The following ST6GAL2 variants were observed in gnomAD, a reference collection of about 807,000 sequenced individuals.
ST6GAL2 encodes ST6 beta-galactoside alpha-2,6-sialyltransferase 2, also known as beta-galactoside alpha-2,6-sialyltransferase 2.
Under a neutral mutation model 37.5 loss-of-function variants are expected in ST6GAL2, and 24 were observed. The ratio of observed to expected loss-of-function variants is 0.64; its 90% CI spans 0.46 to 0.90. ST6GAL2 has a LOEUF of 0.90. ST6GAL2 is among the 40% of genes least tolerant of loss of function. ST6GAL2 has a pLI of 0.00. For missense variants in ST6GAL2, 715 were observed against 712.7 expected, an observed-to-expected ratio of 1.00 and a Z score of -0.04; for synonymous variants, 306 against 295.1, an observed-to-expected ratio of 1.04 and a Z score of -0.38.
chr2:106,884,932 T>TATAC (rs796461618), intron 1 of ST6GAL2, among the ~76,000 whole-genome samples: 4 of 115,466 alleles, frequency 3.5e-5, no homozygotes, highest in Non-Finnish European at 6.7e-5. Context: ...TATATATATA[T>TATAC]ATACATACAC....
At chr2:106,820,269 T>C (rs1001971480) in intron 5 of ST6GAL2, among the ~76,000 whole-genome samples, 2 of 151,736 alleles carry the variant, frequency 1.3e-5, no homozygotes, top group African/African-American at 2.4e-5. Context: ...AATAAGGAGA[T>C]AGAAAAAGAC....
chr2:106,827,927 A>G (rs6543446), intron 5 of ST6GAL2, among the ~76,000 whole-genome samples: 144,514 of 152,292 alleles, frequency 0.95, 68,623 homozygotes, highest in African/African-American at 0.98. Context: ...AAGCTAGGAA[A>G]CAGCAGAGGG....
In ST6GAL2 at chr2:106,806,922, C is replaced by G. The variant is rs779333492; in HGVS notation, c.1346G>C (p.Arg449Thr). The G allele has an allele frequency of 6.2e-7, 1 of 1,613,468 alleles. No individual in the cohort carries two copies. Among genetic ancestry groups the G allele is most frequent in the Admixed American group, 1.7e-5 (1 of 59,976 alleles). Residue 449 changes from arginine (R) to threonine (T), a missense_variant, in exon 6 of 6, where the codon AGA becomes ACA. Transcript: ENST00000409382. ...IGILIMMSMC[R>T]EVHVYEYIPS... ...GATATATTCATACACGTGCACCTCT[C>G]TGCACATGGACATCATTATGAGGAT...
chr2:106,823,518 G>C (rs1676090820), intron 5 of ST6GAL2, among the ~76,000 whole-genome samples: 2 of 150,978 alleles, frequency 1.3e-5, no homozygotes, highest in African/African-American at 4.9e-5. Flanking sequence ...GAGAGAGAGA[G>C]AGAGAGAAAG....
intron 3 of ST6GAL2, among the ~76,000 whole-genome samples, chr2:106,833,422 G>A (rs1676504218): frequency 6.6e-6 from 1 of 152,180 alleles, no homozygotes; most frequent in South Asian, 2.1e-4. Context: ...GCAGTGAACT[G>A]TGCAGAAAGC....
intron 1 of ST6GAL2, among the ~76,000 whole-genome samples, chr2:106,882,087 T>G (rs929707681): frequency 1.3e-5 from 2 of 152,230 alleles, no homozygotes; most frequent in African/African-American, 4.8e-5. Flanking sequence ...ATTTTTAAGT[T>G]GCAGCTTAAA....
At chr2:106,839,222 T>A (rs927128027) in intron 2 of ST6GAL2, among the ~76,000 whole-genome samples, 2 of 152,100 alleles carry the variant, frequency 1.3e-5, no homozygotes, top group Non-Finnish European at 2.9e-5. Context: ...TACGAGCCCA[T>A]GTACTCCCTG....
At position 106,802,473 on chromosome 2, in the gene ST6GAL2, CATTT is replaced by C. The variant is rs1180935598; in HGVS notation, c.*4201_*4204del. 1 of 152,150 alleles carries C rather than the reference CATTT, an allele frequency of 6.6e-6. No homozygotes were observed. The highest frequency in any genetic ancestry group is 1.9e-4 in the East Asian group (1 of 5,180). The allele number at this position is 152,150 out of a possible 1,614,324, so 9.4% of individuals were successfully genotyped here. On this transcript the variant is annotated 3_prime_UTR_variant, in exon 6 of 6. Coordinates refer to ENST00000409382, the MANE Select transcript of ST6GAL2 (RefSeq NM_001142351.2). ...TTTTTTTTAACCAAAAGGCTTCATT[CATTT>C]AATAAAACAAGAACTTACATTTTAT...
chr2:106,841,247 G>A (rs1676870596), intron 2 of ST6GAL2: 3 of 152,128 alleles, frequency 2.0e-5, no homozygotes, highest in Admixed American at 2.0e-4. Flanking sequence ...CCTATTCCGA[G>A]AGAACTCTGG....
intron 2 of ST6GAL2, among the ~76,000 whole-genome samples, chr2:106,840,900 T>A (rs1001790145): frequency 5.9e-5 from 9 of 152,224 alleles, no homozygotes; most frequent in Non-Finnish European, 1.5e-5. Context: ...TCAAGCATAA[T>A]ACTTAAATTC....
rs1675412168 is a variant in ST6GAL2, at chr2:106,806,320, A to G, written c.*358T>C. The G allele has an allele frequency of 4.5e-6, 1 of 220,960 alleles. No individual in the cohort carries two copies. The highest frequency in any genetic ancestry group is 5.2e-5 in the Admixed American group (1 of 19,284). The allele number at this position is 220,960 out of a possible 1,614,324, so 13.7% of individuals were successfully genotyped here. On this transcript the variant is annotated 3_prime_UTR_variant, in exon 6 of 6. Coordinates refer to ENST00000409382, the MANE Select transcript of ST6GAL2 (RefSeq NM_001142351.2). Reference sequence around the variant, plus strand: ...TAAACATAAACCACTTCATATGGTCAGGAACATCACCAAAACCTGTCATTG... The same window carrying G: ...TAAACATAAACCACTTCATATGGTCGGGAACATCACCAAAACCTGTCATTG...
At chr2:106,808,976 C>A (rs997775685) in intron 5 of ST6GAL2, among the ~76,000 whole-genome samples, 4 of 152,150 alleles carry the variant, frequency 2.6e-5, no homozygotes, top group Non-Finnish European at 4.4e-5. Flanking sequence ...CACTGGACTC[C>A]AGCCTGGGCA....
chr2:106,868,684 G>A (rs1249251966), intron 1 of ST6GAL2, among the ~76,000 whole-genome samples: 1 of 152,132 alleles, frequency 6.6e-6, no homozygotes, highest in Non-Finnish European at 1.5e-5. Context: ...AGAAACTGAA[G>A]AATGCCAAGG....
At chr2:106,858,026 C>T (rs6543452) in intron 1 of ST6GAL2, among the ~76,000 whole-genome samples, 145,614 of 152,322 alleles carry the variant, frequency 0.96, 69,648 homozygotes, top group East Asian at 1. Flanking sequence ...CTTGCTGTCA[C>T]ATCTTCTTCT....
intron 1 of ST6GAL2, among the ~76,000 whole-genome samples, chr2:106,880,282 C>A (rs1164928888): frequency 6.6e-6 from 1 of 152,080 alleles, no homozygotes; most frequent in Admixed American, 6.6e-5. Context: ...CACCTGCTTT[C>A]CAGAAAAAAG....
At chr2:106,813,129 T>TG in intron 5 of ST6GAL2, 1 of 1,247,726 alleles carries the variant, frequency 8.0e-7, no homozygotes, top group Non-Finnish European at 1.0e-6. Context: ...TTTTTTTTTT[T>TG]TGAGATGGAG....
At chr2:106,866,728 A>G (rs1045635413) in intron 1 of ST6GAL2, among the ~76,000 whole-genome samples, 3 of 152,218 alleles carry the variant, frequency 2.0e-5, no homozygotes, top group African/African-American at 7.2e-5. Context: ...ACACAGAAGG[A>G]AATCCCTGCC....
intron 3 of ST6GAL2, among the ~76,000 whole-genome samples, chr2:106,833,584 G>A (rs1676513117): frequency 6.6e-6 from 1 of 152,148 alleles, no homozygotes; most frequent in Non-Finnish European, 1.5e-5. Flanking sequence ...GTGAAGAAAC[G>A]AGGTATTTTC....
intron 3 of ST6GAL2, among the ~76,000 whole-genome samples, chr2:106,833,375 T>C (rs1341212707): frequency 6.6e-6 from 1 of 152,218 alleles, no homozygotes; most frequent in South Asian, 2.1e-4. Flanking sequence ...TAAGGAAATA[T>C]GGTAATTGTT....
Sources: gnomAD v4.1 joint callset for allele counts (sites outside exome capture counted in the v4.1 genomes callset) on GRCh38, gnomAD v4.1.1 for gene constraint, MANE v1.5 for transcripts, NCBI Gene and HGNC (gene_info 2026-07-23, HGNC 2026-07-21) for gene names.